The following CHM variants were observed in gnomAD, a reference collection of about 807,000 sequenced individuals.
The protein encoded by CHM is CHM Rab escort protein.
CHM carries 10 observed loss-of-function variants against 49.0 expected under a neutral mutation model. The observed-to-expected ratio is 0.20, with a 90% confidence interval of 0.13 to 0.35. The LOEUF (loss-of-function observed/expected upper bound fraction) is 0.35, where lower values mean the gene tolerates loss of function less well. Ranked by LOEUF, CHM falls within the 10% of genes least tolerant of loss-of-function variation. The probability of loss-of-function intolerance (pLI) is 1.00; values close to 1 mark genes in which losing one functional copy is unlikely to be tolerated. For synonymous variants in CHM, 184 were observed against 167.5 expected (o/e 1.10, Z -0.76); for missense variants, 455 against 478.4 (o/e 0.95, Z 0.46).
chrX:85,916,446 T>A (rs1371982410), intron 8 of CHM, among the ~76,000 whole-genome samples: 1 of 111,792 alleles, frequency 8.9e-6, no homozygotes, highest in African/African-American at 3.3e-5. Flanking sequence ...AAGCAAACAT[T>A]GAACAATGGG....
At chrX:85,900,600 C>T in intron 11 of CHM, 46 bp downstream of exon 11, 1 of 783,557 alleles carries the variant, frequency 1.3e-6, no homozygotes, top group Non-Finnish European at 1.9e-6. Context: ...ACCGAAACAT[C>T]TTCATATATA....
chrX:86,004,639 A>G (rs1932815242), intron 2 of CHM, among the ~76,000 whole-genome samples: 1 of 112,293 alleles, frequency 8.9e-6, no homozygotes, highest in East Asian at 2.8e-4. Context: ...CAGACTTTGA[A>G]CCAACAAAGA....
chrX:85,938,125 GA>G (rs1181605055), intron 8 of CHM, among the ~76,000 whole-genome samples: 2 of 111,495 alleles, frequency 1.8e-5, no homozygotes, highest in Admixed American at 9.6e-5. Context: ...GAATAACCTG[GA>G]AAAAAATGAA....
chrX:85,991,662 G>C (rs1380708164), intron 2 of CHM, among the ~76,000 whole-genome samples: 1 of 111,360 alleles, frequency 9.0e-6, no homozygotes, highest in African/African-American at 3.3e-5. Context: ...TGGCTTCTCA[G>C]CACGATTAAA....
Position 85,967,018 on chromosome X carries a change from A to G in CHM, c.315-2966T>C, listed in dbSNP as rs1930619117. Among the ~76,000 whole-genome samples the G allele has an allele frequency of 1.8e-5, 2 of 112,255 alleles. 1 individual carries two copies. Among genetic ancestry groups the G allele is most frequent in the Non-Finnish European group, 3.8e-5 (2 of 53,235 alleles). On this transcript the variant is annotated intron_variant, in intron 4 of 14. Transcript: ENST00000357749. Reference sequence around the variant, plus strand: ...ATAAACTATCGTTTTACTGTTCTCAACATTATAATTTGGTGAGATTCCTAG... The same window carrying G: ...ATAAACTATCGTTTTACTGTTCTCAGCATTATAATTTGGTGAGATTCCTAG...
intron 8 of CHM, among the ~76,000 whole-genome samples, chrX:85,920,057 C>G (rs1296427609): frequency 9.0e-6 from 1 of 110,987 alleles, no homozygotes; most frequent in African/African-American, 3.3e-5. Flanking sequence ...TTGGTGTCAA[C>G]GAGCAATAGT....
intron 9 of CHM, 111 bp from the exon 10 acceptor site, chrX:85,901,299 A>T: frequency 2.0e-6 from 1 of 491,812 alleles, no homozygotes. Context: ...TGAAGACAAG[A>T]TTTAAAACTT....
intron 12 of CHM, among the ~76,000 whole-genome samples, chrX:85,886,553 G>C (rs1157756426): frequency 9.0e-6 from 1 of 111,222 alleles, no homozygotes; most frequent in African/African-American, 3.3e-5. Flanking sequence ...AATAAACACA[G>C]GGTATATTTG....
intron 4 of CHM, among the ~76,000 whole-genome samples, chrX:85,964,830 C>G (rs73506443): frequency 0.042 from 4,437 of 106,151 alleles, 223 homozygotes; most frequent in African/African-American, 0.14. Flanking sequence ...AGAACAGGCT[C>G]CCATTCAGTC....
At chrX:85,903,510 A>G in intron 9 of CHM, 1 of 367,384 alleles carries the variant, frequency 2.7e-6, no homozygotes, top group Non-Finnish European at 5.4e-6. Flanking sequence ...AGATCACTCA[A>G]AAGGCAAGTA....
intron 2 of CHM, among the ~76,000 whole-genome samples, chrX:86,001,088 C>G (rs1215269570): frequency 9.0e-6 from 1 of 111,515 alleles, no homozygotes; most frequent in Admixed American, 9.5e-5. Flanking sequence ...ATGAAAATAT[C>G]ACGTATACCC....
chrX:85,962,230 AC>A (rs754026385), intron 5 of CHM, among the ~76,000 whole-genome samples: 6 of 112,015 alleles, frequency 5.4e-5, no homozygotes, highest in Non-Finnish European at 9.4e-5. Flanking sequence ...TGCTCATGGG[AC>A]CAGGAAGGTT....
intron 11 of CHM, among the ~76,000 whole-genome samples, chrX:85,897,893 A>G (rs924776825): frequency 9.0e-6 from 1 of 111,420 alleles, no homozygotes; most frequent in Non-Finnish European, 1.9e-5. Context: ...ACATGACAAC[A>G]TGGGTACTGA....
intron 2 of CHM, among the ~76,000 whole-genome samples, chrX:85,987,493 A>C (rs1931982077): frequency 8.9e-6 from 1 of 112,180 alleles, no homozygotes; most frequent in African/African-American, 3.2e-5. Context: ...ACCCATATTC[A>C]ACATTCTTAA....
At chrX:85,921,709 C>T (rs1488549367) in intron 8 of CHM, among the ~76,000 whole-genome samples, 1 of 112,114 alleles carries the variant, frequency 8.9e-6, no homozygotes, top group African/African-American at 3.2e-5. Context: ...CTACATGTCA[C>T]GAGACACTGT....
intron 1 of CHM, among the ~76,000 whole-genome samples, chrX:86,045,190 A>G (rs1934606959): frequency 8.9e-6 from 1 of 112,250 alleles, no homozygotes; most frequent in Non-Finnish European, 1.9e-5. Context: ...TTTTATTAAT[A>G]CAACTGAATC....
intron 8 of CHM, among the ~76,000 whole-genome samples, chrX:85,932,565 T>C (rs1367597619): frequency 8.9e-6 from 1 of 112,176 alleles, no homozygotes; most frequent in Non-Finnish European, 1.9e-5. Flanking sequence ...TAAAAACATA[T>C]GACAAAACAC....
rs185662528 is a variant in CHM at position 86,040,487 on chromosome X, G to A, written c.49+6997C>T. Among the ~76,000 whole-genome samples the A allele has an allele frequency of 1.0e-3, 113 of 112,233 alleles. 1 individual carries two copies. In the Admixed American group the frequency reaches 0.011, roughly 10 times the overall value. ...GAAAGCGGTGGGCTGAGTAAACAGG[G>A]TGCTCCCTTCACAAGTCCCATGAAG... is the stretch of plus-strand genomic sequence containing the variant. On this transcript the variant is annotated intron_variant, in intron 1 of 14. Coordinates refer to ENST00000357749, the MANE Select transcript of CHM (RefSeq NM_000390.4).
At chrX:86,021,494 A>G (rs1933603024) in intron 2 of CHM, among the ~76,000 whole-genome samples, 1 of 110,562 alleles carries the variant, frequency 9.0e-6, no homozygotes, top group African/African-American at 3.3e-5. Flanking sequence ...GTAAGTGGAG[A>G]AACCAAGATC....
Sources: allele counts gnomAD v4.1 joint callset (sites outside exome capture counted in the v4.1 genomes callset), GRCh38; gene constraint gnomAD v4.1.1; transcripts MANE v1.5; gene names NCBI Gene and HGNC (gene_info 2026-07-23, HGNC 2026-07-21).